Variants in RNF135 observed in about 807,000 individuals in gnomAD.
RNF135 encodes ring finger protein 135.
A neutral mutation model predicts 41.9 loss-of-function variants in RNF135; 46 were observed. The observed-to-expected ratio is 1.10, with a 90% confidence interval of 0.87 to 1.40. The LOEUF (loss-of-function observed/expected upper bound fraction) is 1.40, where lower values mean the gene tolerates loss of function less well. Ranked by LOEUF, RNF135 falls within the 40% of genes most tolerant of loss-of-function variation. The pLI, the probability that RNF135 is intolerant of heterozygous loss-of-function variation, is 0.00. For missense variants in RNF135, 539 were observed against 549.8 expected (o/e 0.98, Z 0.20); for synonymous variants, 238 against 223.8 (o/e 1.06, Z -0.57).
At chr17:30,988,343 G>A (rs867302088) in intron 3 of RNF135, among the ~76,000 whole-genome samples, 3 of 149,998 alleles carry the variant, frequency 2.0e-5, no homozygotes, top group Admixed American at 2.0e-4. Context: ...CATTTTTGAA[G>A]ATCCATGCAC....
rs1420453160 is a variant in RNF135 at position 30,983,353 on chromosome 17, A to ATATATATATATATT, written c.373-1263_373-1262insATATATATATATTT. ...TATATATATATATATATATATATAT[A>ATATATATATATATT]TTTTTTTTTTTTTTTTTTGAGATGG... On this transcript the variant is annotated intron_variant, in intron 1 of 4. Transcript: ENST00000328381. Among the ~76,000 whole-genome samples the ATATATATATATATT allele has an allele frequency of 1.1e-3, 38 of 35,716 alleles. 1 individual carries two copies. The highest frequency in any genetic ancestry group is 2.4e-3 in the Admixed American group (5 of 2,070). The allele number at this position is 35,716 out of a possible 152,430, so 23.4% of individuals were successfully genotyped here.
upstream of RNF135, among the ~76,000 whole-genome samples, chr17:30,966,375 AT>A: frequency 1.6e-5 from 2 of 127,796 alleles, no homozygotes; most frequent in East Asian, 3.9e-4. Context: ...TATTTATTTA[AT>A]TTTTAAGTTT....
the RNF135 span, among the ~76,000 whole-genome samples, chr17:30,965,657 A>G: frequency 6.7e-4 from 102 of 152,224 alleles, no homozygotes; most frequent in African/African-American, 2.3e-3. Flanking sequence ...AACAGTAAAG[A>G]AAGAGTTTAA....
chr17:30,983,344 TATATA>T (rs1395944973), intron 1 of RNF135, among the ~76,000 whole-genome samples: 392 of 35,818 alleles, frequency 0.011, 5 homozygotes, highest in African/African-American at 0.023. Flanking sequence ...TATATATATA[TATATA>T]TATATTTTTT....
At chr17:30,991,029 G>C (rs974572528) in intron 3 of RNF135, among the ~76,000 whole-genome samples, 1 of 152,182 alleles carries the variant, frequency 6.6e-6, no homozygotes, top group Non-Finnish European at 1.5e-5. Flanking sequence ...AGTGAAGGTT[G>C]CTGGGTCATA....
chr17:30,989,107 C>A (rs867015531), intron 3 of RNF135, among the ~76,000 whole-genome samples: 49 of 149,632 alleles, frequency 3.3e-4, no homozygotes, highest in Middle Eastern at 3.2e-3. Flanking sequence ...CAGTGGCTCA[C>A]GCCTGTAATC....
chr17:30,983,353 A>ATATATTTTTTTTTT (rs1420453160), intron 1 of RNF135, among the ~76,000 whole-genome samples: 1 of 35,744 alleles, frequency 2.8e-5, no homozygotes, highest in African/African-American at 9.1e-5. Context: ...ATATATATAT[A>ATATATTTTTTTTTT]TTTTTTTTTT....
chr17:30,980,854 G>A (rs1175238123), intron 1 of RNF135, among the ~76,000 whole-genome samples: 1 of 150,446 alleles, frequency 6.6e-6, no homozygotes, highest in Non-Finnish European at 1.5e-5. Context: ...TGGCGGCCGG[G>A]CAGAGACGCT....
rs1305652181 is a variant in RNF135 at position 30,999,586 on chromosome 17, T to C, written c.*395T>C. 8.1e-6 allele frequency: 2 copies of C among 246,056 alleles called. No homozygotes were observed. The highest frequency in any genetic ancestry group is 5.5e-5 in the South Asian group (1 of 18,254). The allele number at this position is 246,056 out of a possible 1,614,324, so 15.2% of individuals were successfully genotyped here. ...AGTGTTTTTGTTTACCTGTGGGCCT[T>C]GGGCCATGCAGTATCAGCTTGACCT... On this transcript the variant is annotated 3_prime_UTR_variant, in exon 5 of 5. Coordinates refer to ENST00000328381, the MANE Select transcript of RNF135 (RefSeq NM_032322.4).
upstream of RNF135, among the ~76,000 whole-genome samples, chr17:30,966,449 T>C (rs897359671): frequency 4.1e-4 from 61 of 150,544 alleles, no homozygotes; most frequent in African/African-American, 1.5e-3. Context: ...TATTTATTTA[T>C]TTTTAAAGTG....
the RNF135 span, among the ~76,000 whole-genome samples, chr17:30,964,051 C>G: frequency 1.3e-5 from 2 of 152,002 alleles, no homozygotes; most frequent in Non-Finnish European, 2.9e-5. Context: ...ATTTAATGAT[C>G]TCTTCCGTCC....
chr17:30,966,902 G>A (rs943042006), upstream of RNF135, among the ~76,000 whole-genome samples: 1 of 152,022 alleles, frequency 6.6e-6, no homozygotes, highest in African/African-American at 2.4e-5. Flanking sequence ...ATCTCAAAAA[G>A]TATTCAACAA....
At chr17:30,984,857 C>G in intron 2 of RNF135, 97 bp downstream of exon 2, 1 of 1,252,888 alleles carries the variant, frequency 8.0e-7, no homozygotes, top group Non-Finnish European at 1.2e-6. Flanking sequence ...CTGAAGGATA[C>G]AATAAGTCTC....
chr17:30,987,194 A>G (rs1171138429), intron 2 of RNF135, among the ~76,000 whole-genome samples: 1 of 151,932 alleles, frequency 6.6e-6, no homozygotes, highest in Non-Finnish European at 1.5e-5. Flanking sequence ...GCTCTTGCGA[A>G]GTGAAATGAT....
chr17:30,984,585 G>T, intron 1 of RNF135, 32 bp from the exon 2 acceptor site: 2 of 1,613,826 alleles, frequency 1.2e-6, no homozygotes, highest in Non-Finnish European at 1.7e-6. Flanking sequence ...CAGTTTTATA[G>T]AACCCAGGAC....
At chr17:30,969,707 T>C (rs1905721115), upstream of RNF135, among the ~76,000 whole-genome samples, 4 of 152,106 alleles carry the variant, frequency 2.6e-5, no homozygotes, top group Admixed American at 2.6e-4. Flanking sequence ...ACACTTCCAG[T>C]ATTAGAAATA....
chr17:30,986,416 C>T (rs925484964), intron 2 of RNF135, among the ~76,000 whole-genome samples: 1 of 152,164 alleles, frequency 6.6e-6, no homozygotes, highest in African/African-American at 2.4e-5. Flanking sequence ...AGTCTGGCCT[C>T]AAACTCCTGA....
upstream of RNF135, among the ~76,000 whole-genome samples, chr17:30,969,746 CTTTCTTTT>C (rs1567733629): frequency 1.1e-3 from 153 of 145,322 alleles, no homozygotes; most frequent in African/African-American, 3.7e-3. Context: ...TCTTTCTTTT[CTTTCTTTT>C]TTTTCTTTTT....
At chr17:30,964,389 CAAAAAAA>C in the RNF135 span, among the ~76,000 whole-genome samples, 11 of 37,200 alleles carry the variant, frequency 3.0e-4, no homozygotes, top group South Asian at 9.6e-4. Context: ...GACTTCATCT[CAAAAAAA>C]AAAAAAAAAA....
Sources: gnomAD v4.1 joint callset for allele counts (sites outside exome capture counted in the v4.1 genomes callset) on GRCh38, gnomAD v4.1.1 for gene constraint, MANE v1.5 for transcripts, NCBI Gene and HGNC (gene_info 2026-07-23, HGNC 2026-07-21) for gene names.